Variants in FBXO36 observed in about 807,000 individuals in gnomAD.
FBXO36 encodes the protein F-box protein 36.
A neutral mutation model predicts 17.0 loss-of-function variants in FBXO36; 18 were observed. That is an observed-to-expected ratio of 1.06 (90% CI 0.73 to 1.57). The LOEUF (loss-of-function observed/expected upper bound fraction) is 1.57. Among genes scored for constraint, FBXO36 ranks in the 40% most tolerant of loss-of-function variants. FBXO36 has a pLI of 0.00. For missense variants in FBXO36, 229 were observed against 221.9 expected, an observed-to-expected ratio of 1.03 and a Z score of -0.20; for synonymous variants, 83 against 85.3, an observed-to-expected ratio of 0.97 and a Z score of 0.15.
intron 1 of FBXO36, among the ~76,000 whole-genome samples, chr2:229,973,142 G>A (rs1404456696): frequency 1.3e-5 from 2 of 151,792 alleles, no homozygotes; most frequent in Non-Finnish European, 2.9e-5. Flanking sequence ...CTTGGTCAAA[G>A]GGTATGGATA....
intron 3 of FBXO36, among the ~76,000 whole-genome samples, chr2:230,003,831 A>G (rs2077372653): frequency 6.6e-6 from 1 of 152,126 alleles, no homozygotes; most frequent in South Asian, 2.1e-4. Flanking sequence ...CCCATGCCCA[A>G]CCAAGTCTTC....
chr2:229,951,225 GC>G (rs2077056032), intron 1 of FBXO36, among the ~76,000 whole-genome samples: 1 of 151,776 alleles, frequency 6.6e-6, no homozygotes, highest in Non-Finnish European at 1.5e-5. Context: ...GAGCCACCGC[GC>G]CCGTCCCAGG....
At chr2:229,951,735 C>T (rs1451232215) in intron 1 of FBXO36, among the ~76,000 whole-genome samples, 5 of 152,166 alleles carry the variant, frequency 3.3e-5, no homozygotes. Flanking sequence ...CTCTTGGGGC[C>T]TAGTGCAGGA....
chr2:229,935,959 G>A (rs958724555), intron 1 of FBXO36, among the ~76,000 whole-genome samples: 12 of 152,140 alleles, frequency 7.9e-5, no homozygotes, highest in African/African-American at 2.9e-4. Flanking sequence ...AGGCCAAGGC[G>A]GGTGGATTAT....
chr2:229,936,415 A>T (rs1328586756), intron 1 of FBXO36, among the ~76,000 whole-genome samples: 1 of 152,192 alleles, frequency 6.6e-6, no homozygotes, highest in African/African-American at 2.4e-5. Context: ...TATGAAGAAA[A>T]ATTCTTTACA....
intron 1 of FBXO36, among the ~76,000 whole-genome samples, chr2:229,933,323 G>A (rs2076948711): frequency 6.6e-6 from 1 of 151,850 alleles, no homozygotes; most frequent in Non-Finnish European, 1.5e-5. Context: ...AGGTGGTGGG[G>A]CAGAGGTTGC....
intron 2 of FBXO36, among the ~76,000 whole-genome samples, chr2:229,993,673 G>C (rs2077309809): frequency 6.6e-6 from 1 of 152,058 alleles, no homozygotes; most frequent in South Asian, 2.1e-4. Context: ...AAAAAAGCAA[G>C]AGTATTTTTT....
chr2:230,003,608 C>G (rs2077371698), intron 3 of FBXO36, among the ~76,000 whole-genome samples: 2 of 151,882 alleles, frequency 1.3e-5, no homozygotes. Context: ...TCTCAACTCA[C>G]TGCAACCTCC....
chr2:229,958,528 C>G (rs1414492199), intron 1 of FBXO36, among the ~76,000 whole-genome samples: 1 of 152,134 alleles, frequency 6.6e-6, no homozygotes, highest in African/African-American at 2.4e-5. Context: ...CTTGGCCTCC[C>G]TAAGTGGTGG....
intron 2 of FBXO36, 53 bp from the exon 3 acceptor site, chr2:229,996,698 A>G: frequency 1.3e-6 from 2 of 1,524,144 alleles, no homozygotes; most frequent in Non-Finnish European, 1.8e-6. Context: ...GATTGTTATT[A>G]TAATTTTTAT....
intron 3 of FBXO36, among the ~76,000 whole-genome samples, chr2:229,998,320 A>T (rs867062859): frequency 7.2e-5 from 11 of 152,012 alleles, no homozygotes; most frequent in African/African-American, 1.4e-4. Context: ...GTACATTTTT[A>T]AAAAATTAGC....
At chr2:229,997,507 G>A (rs1357946578) in intron 3 of FBXO36, among the ~76,000 whole-genome samples, 1 of 151,720 alleles carries the variant, frequency 6.6e-6, no homozygotes. Flanking sequence ...GAACCCGGGA[G>A]GTGGAGGTTG....
At chr2:229,965,437 C>T (rs1252261201) in intron 1 of FBXO36, among the ~76,000 whole-genome samples, 1 of 150,956 alleles carries the variant, frequency 6.6e-6, no homozygotes, top group Admixed American at 6.6e-5. Flanking sequence ...AGGTTTGTTA[C>T]ATATGTATAC....
At chr2:229,937,173 A>G (rs1037616881) in intron 1 of FBXO36, among the ~76,000 whole-genome samples, 1 of 152,156 alleles carries the variant, frequency 6.6e-6, no homozygotes, top group Non-Finnish European at 1.5e-5. Context: ...GTTGGAATAT[A>G]GTGCGGCAAC....
At chr2:229,987,171 C>T (rs1406369183) in intron 2 of FBXO36, among the ~76,000 whole-genome samples, 2 of 148,186 alleles carry the variant, frequency 1.3e-5, no homozygotes, top group African/African-American at 5.0e-5. Flanking sequence ...AGATTGTGGC[C>T]ATTGCACTCC....
chr2:229,952,639 C>G (rs1189335577), intron 1 of FBXO36, among the ~76,000 whole-genome samples: 3 of 152,164 alleles, frequency 2.0e-5, no homozygotes, highest in African/African-American at 7.2e-5. Context: ...GCATCCCCAG[C>G]AGTTTGCTAA....
Position 229,966,689 on chromosome 2 carries a change from G to T in FBXO36, c.97-9552G>T, listed in dbSNP as rs1029957021. 8.5e-5 allele frequency among the ~76,000 whole-genome samples: 13 copies of T among 152,288 alleles called. 2 individuals are homozygous for T. Among genetic ancestry groups the T allele is most frequent in the African/African-American group, 3.1e-4 (13 of 41,578 alleles). Reference sequence around the variant, plus strand: ...CAGGTTTGTCAAAGACCAGATGGTTGTAGATCTGTGGTATTATTTCTGAGG... The same window carrying T: ...CAGGTTTGTCAAAGACCAGATGGTTTTAGATCTGTGGTATTATTTCTGAGG... On this transcript the variant is annotated intron_variant, in intron 1 of 3. Coordinates refer to ENST00000283946, the MANE Select transcript of FBXO36 (RefSeq NM_174899.5).
At chr2:229,929,368 C>T (rs2076927567) in intron 1 of FBXO36, among the ~76,000 whole-genome samples, 1 of 151,870 alleles carries the variant, frequency 6.6e-6, no homozygotes, top group Non-Finnish European at 1.5e-5. Context: ...TCAAGACCAT[C>T]CCGGCCAACA....
At chr2:229,975,634 C>T (rs760146709) in intron 1 of FBXO36, among the ~76,000 whole-genome samples, 3 of 151,700 alleles carry the variant, frequency 2.0e-5, no homozygotes, top group Non-Finnish European at 4.4e-5. Flanking sequence ...CCACAATGCC[C>T]AGCTCATTTA....
Sources: gnomAD v4.1 joint callset for allele counts (sites outside exome capture counted in the v4.1 genomes callset) on GRCh38, gnomAD v4.1.1 for gene constraint, MANE v1.5 for transcripts, NCBI Gene and HGNC (gene_info 2026-07-23, HGNC 2026-07-21) for gene names.